Variants in IKBKB observed in about 807,000 individuals in gnomAD.
IKBKB encodes the protein inhibitor of nuclear factor kappa-B kinase subunit beta.
In IKBKB, 42 loss-of-function variants were observed where a neutral mutation model predicts 113.6. The ratio of observed to expected loss-of-function variants is 0.37; its 90% confidence interval spans 0.29 to 0.48. The LOEUF (loss-of-function observed/expected upper bound fraction) is 0.48. Among genes scored for constraint, IKBKB ranks in the 20% least tolerant of loss-of-function variants. The pLI is 0.99. For missense variants in IKBKB, 673 were observed against 939.7 expected, an observed-to-expected ratio of 0.72 and a Z score of 3.71; for synonymous variants, 296 against 361.3, an observed-to-expected ratio of 0.82 and a Z score of 2.05.
chr8:42,291,211 T>C (rs1812557684), intron 4 of IKBKB, among the ~76,000 whole-genome samples: 1 of 152,146 alleles, frequency 6.6e-6, no homozygotes, highest in African/African-American at 2.4e-5. Context: ...GACAAGAGTC[T>C]CGCTGTATTG....
chr8:42,291,815 C>T (rs1007787018), intron 4 of IKBKB, among the ~76,000 whole-genome samples: 1 of 152,044 alleles, frequency 6.6e-6, no homozygotes, highest in East Asian at 1.9e-4. Flanking sequence ...GCTTGTGGTC[C>T]CTACTACTTT....
intron 12 of IKBKB, among the ~76,000 whole-genome samples, 200 bp from the exon 13 acceptor site, chr8:42,318,352 T>A (rs1200348651): frequency 6.6e-6 from 1 of 152,166 alleles, no homozygotes; most frequent in African/African-American, 2.4e-5. Flanking sequence ...AATCAACAGC[T>A]ACTTATTGAC....
chr8:42,329,485 G>C (rs1056762403), intron 21 of IKBKB: 7 of 846,384 alleles, frequency 8.3e-6, no homozygotes, highest in Non-Finnish European at 1.0e-5. Context: ...ACCACATTCA[G>C]CTGATTTTTT....
intron 21 of IKBKB, chr8:42,329,416 G>A (rs1467870465): frequency 1.2e-5 from 11 of 954,470 alleles, no homozygotes; most frequent in Non-Finnish European, 1.4e-5. Flanking sequence ...TCCGCTTCCC[G>A]GGTTCAAGTG....
chr8:42,316,794 A>G lies in IKBKB; in HGVS notation c.1015A>G (p.Arg339Gly), dbSNP rs201017580. 1.2e-6 allele frequency: 2 copies of G among 1,614,194 alleles called. No homozygotes were observed. The highest frequency in any genetic ancestry group is 1.7e-6 in the Non-Finnish European group (2 of 1,180,028). The change falls in exon 11 of 22, where the codon AGA becomes GGA. Residue 339 changes from arginine (R) to glycine (G), a missense_variant. Transcript: ENST00000520810. This position sits in a 1 kb window ranked among gnomAD's most constrained non-coding sequence, Gnocchi z 4.5. ...TGAGAGTCTGCAGAGCTTGAAGGCCAGAATCCAACAGGACACGGGCATCCC... is the reference window on the plus strand; with the variant it reads ...TGAGAGTCTGCAGAGCTTGAAGGCCGGAATCCAACAGGACACGGGCATCCC... Reference protein sequence around the residue: ...EDESLQSLKARIQQDTGIPEE... With the variant: ...EDESLQSLKAGIQQDTGIPEE...
intron 9 of IKBKB, among the ~76,000 whole-genome samples, chr8:42,314,838 G>A (rs1015567685): frequency 2.0e-5 from 3 of 151,868 alleles, no homozygotes; most frequent in Non-Finnish European, 4.4e-5. Context: ...TTTTAAACAG[G>A]CTATCAGGAT....
intron 5 of IKBKB, among the ~76,000 whole-genome samples, chr8:42,294,880 A>G (rs1813399823): frequency 6.6e-6 from 1 of 151,992 alleles, no homozygotes; most frequent in Admixed American, 6.6e-5. Context: ...GGCTTACTTG[A>G]TTGTATTTTT....
rs1811964444 is a variant in IKBKB, at chr8:42,288,812, C to CA, written c.200+84_200+85insA. On this transcript the variant is annotated intron_variant, in intron 3 of 21. Transcript: ENST00000520810. ...CTAGAAAGGAGAGTCTTGCTGGGTG[C>CA]GTGGCTCACGCCTGTAATCCTAGCA... is the stretch of plus-strand genomic sequence containing the variant. 3 of 1,098,222 alleles carry CA rather than the reference C, an allele frequency of 2.7e-6. No homozygotes were observed. The Admixed American group carries it at 6.2e-5, about 23-fold the overall frequency. The allele number at this position is 1,098,222 out of a possible 1,614,324, so 68.0% of individuals were successfully genotyped here.
intron 2 of IKBKB, among the ~76,000 whole-genome samples, chr8:42,277,660 A>G (rs11986055): frequency 6.6e-6 from 1 of 151,680 alleles, no homozygotes; most frequent in East Asian, 1.9e-4. Flanking sequence ...TCCAGGACCA[A>G]CTCTAGGCCA....
At chr8:42,317,473 TAAAG>T (rs1208294675) in intron 11 of IKBKB, among the ~76,000 whole-genome samples, 180 bp from the exon 12 acceptor site, 1 of 152,186 alleles carries the variant, frequency 6.6e-6, no homozygotes, top group Non-Finnish European at 1.5e-5. Context: ...CGTTTGTAAA[TAAAG>T]AGTGTGTTCA....
In IKBKB at chr8:42,271,436, G is replaced by GGCCCCCCCCC; in HGVS notation, c.-52_-51insGCCCCCCCCC. ...CCAGCCCCGCCTTCCCCGCCCCGGG[G>GGCCCCCCCCC]AGCCCGCCCCCTGCCCCGCGTCCCT... is the stretch of plus-strand genomic sequence containing the variant. On this transcript the variant is annotated 5_prime_UTR_variant, in exon 1 of 22. It removes the in-frame stop codon of an upstream open reading frame in the 5' UTR. Transcript: ENST00000520810. The GGCCCCCCCCC allele has an allele frequency of 6.8e-7, 1 of 1,474,298 alleles. No homozygotes were observed. The highest frequency in any genetic ancestry group is 9.1e-7 in the Non-Finnish European group (1 of 1,094,782). 91.3% of individuals were successfully genotyped at this position (1,474,298 alleles called of 1,614,324 possible).
intron 15 of IKBKB, 70 bp downstream of exon 15, chr8:42,319,716 C>T (rs1819410813): frequency 1.7e-5 from 21 of 1,254,462 alleles, no homozygotes; most frequent in Admixed American, 2.3e-5. Flanking sequence ...TTTTCACTTT[C>T]TCATCAAACA....
At chr8:42,303,091 A>AAGAG (rs1815674933) in intron 5 of IKBKB, among the ~76,000 whole-genome samples, 3 of 57,854 alleles carry the variant, frequency 5.2e-5, no homozygotes, top group Middle Eastern at 0.01. Flanking sequence ...GAGAGAGAGA[A>AAGAG]TGAGAGAGAG....
chr8:42,283,348 A>T (rs147696457), intron 2 of IKBKB, among the ~76,000 whole-genome samples: 1 of 152,228 alleles, frequency 6.6e-6, no homozygotes, highest in East Asian at 1.9e-4. Context: ...TGAACCTATG[A>T]CTGGGTGGGG....
chr8:42,327,695 C>T (rs1258283417), intron 20 of IKBKB, among the ~76,000 whole-genome samples: 6 of 148,654 alleles, frequency 4.0e-5, no homozygotes, highest in African/African-American at 7.5e-5. Flanking sequence ...TGCTATGGCA[C>T]GATCTCAGCT....
intron 21 of IKBKB, chr8:42,329,740 G>A (rs1446837185): frequency 2.0e-6 from 2 of 985,272 alleles, no homozygotes; most frequent in African/African-American, 1.7e-5. Context: ...ACCAGCCATG[G>A]CCTTGTCCTC....
rs1389613855 is a variant in IKBKB at position 42,316,166 on chromosome 8, A to G, written c.801-44A>G. 2 of 1,607,522 alleles carry G rather than the reference A, an allele frequency of 1.2e-6. No individual in the cohort carries two copies. Among genetic ancestry groups the G allele is most frequent in the African/African-American group, 1.3e-5 (1 of 74,926 alleles). ...TGGGAGACGCACACTGTAGCCCAAC[A>G]TTGGCTGGAAGTGTCTCCTCACACA... On this transcript the variant is annotated intron_variant, in intron 9 of 21. Coordinates refer to ENST00000520810, the MANE Select transcript of IKBKB (RefSeq NM_001556.3). This position sits in a 1 kb window ranked among gnomAD's most constrained non-coding sequence, Gnocchi z 4.5.
At chr8:42,330,893 A>G in intron 21 of IKBKB, 21 bp from the exon 22 acceptor site, 1 of 1,614,044 alleles carries the variant, frequency 6.2e-7, no homozygotes, top group Non-Finnish European at 8.5e-7. Context: ...TTGTTTTTTT[A>G]ACATGTCTGT....
chr8:42,309,756 A>T, intron 8 of IKBKB: 1 of 152,634 alleles, frequency 6.6e-6, no homozygotes, highest in East Asian at 1.9e-4. Context: ...TTTAAAAAAA[A>T]AAAAAACAAC....
Sources: gnomAD v4.1 joint callset for allele counts (sites outside exome capture counted in the v4.1 genomes callset) on GRCh38, gnomAD v4.1.1 for gene constraint, Gnocchi (gnomAD v3.1) non-coding constraint, MANE v1.5 for transcripts, NCBI Gene and HGNC (gene_info 2026-07-23, HGNC 2026-07-21) for gene names.